The following SMARCA2 variants were observed in gnomAD, a reference collection of about 807,000 sequenced individuals.
The protein encoded by SMARCA2 is SWI/SNF related BAF chromatin remodeling complex subunit ATPase 2.
SMARCA2 carries 61 observed loss-of-function variants against 199.8 expected under a neutral mutation model. That is an observed-to-expected ratio of 0.31 (90% CI 0.25 to 0.38). The LOEUF (loss-of-function observed/expected upper bound fraction) is 0.38, where lower values mean the gene tolerates loss of function less well. Ranked by LOEUF, SMARCA2 falls within the 10% of genes least tolerant of loss-of-function variation. SMARCA2 has a pLI of 1.00. For synonymous variants in SMARCA2, 935 were observed against 732.0 expected (o/e 1.28, Z -4.48); for missense variants, 1,344 against 2,012.2 (o/e 0.67, Z 6.35).
At chr9:2,094,813 G>C (rs1486779089) in intron 19 of SMARCA2, among the ~76,000 whole-genome samples, 1 of 152,160 alleles carries the variant, frequency 6.6e-6, no homozygotes, top group South Asian at 2.1e-4. Flanking sequence ...TCTGTGGAAA[G>C]AGCCCAGTAA....
At chr9:2,020,759 A>AT (rs1368570499) in intron 1 of SMARCA2, among the ~76,000 whole-genome samples, 1 of 152,212 alleles carries the variant, frequency 6.6e-6, no homozygotes, top group African/African-American at 2.4e-5. Flanking sequence ...AGATGCTTGA[A>AT]TAATTGTACC....
At chr9:2,152,168 G>A (rs541691865) in intron 27 of SMARCA2, among the ~76,000 whole-genome samples, 13 of 152,246 alleles carry the variant, frequency 8.5e-5, no homozygotes, top group Admixed American at 5.9e-4. Context: ...ATTTCACCCC[G>A]AATCCCAAGA....
chr9:2,081,255 A>C (rs986794565), intron 14 of SMARCA2, among the ~76,000 whole-genome samples: 2 of 152,170 alleles, frequency 1.3e-5, no homozygotes, highest in South Asian at 4.1e-4. Flanking sequence ...GCATGTTTCC[A>C]GTTGCCAGCT....
intron 19 of SMARCA2, among the ~76,000 whole-genome samples, chr9:2,089,744 C>T (rs528495926): frequency 9.2e-5 from 14 of 152,278 alleles, no homozygotes; most frequent in African/African-American, 3.4e-4. Context: ...AGCACCCTTT[C>T]TGTTCAAGAT....
chr9:2,122,544 C>G (rs1050192875), intron 26 of SMARCA2, among the ~76,000 whole-genome samples: 7 of 152,186 alleles, frequency 4.6e-5, no homozygotes, highest in African/African-American at 1.7e-4. Context: ...ACCAATGGGA[C>G]TTCACCTGTC....
At chr9:2,093,819 A>G (rs555089786) in intron 19 of SMARCA2, among the ~76,000 whole-genome samples, 43 of 152,368 alleles carry the variant, frequency 2.8e-4, no homozygotes, top group South Asian at 4.1e-4. Context: ...AAATAGGGCT[A>G]TAAATCAACT....
chr9:2,047,119 A>C (rs1819888167), intron 4 of SMARCA2, 110 bp from the exon 5 acceptor site: 1 of 804,948 alleles, frequency 1.2e-6, no homozygotes, highest in African/African-American at 1.9e-5. Context: ...TCAGGTGTTT[A>C]AGACACTTAA....
chr9:2,103,250 G>C (rs576411156), intron 22 of SMARCA2, among the ~76,000 whole-genome samples: 3 of 152,238 alleles, frequency 2.0e-5, no homozygotes, highest in Admixed American at 2.0e-4. Context: ...CACCTGCTCA[G>C]CGTAGCCTCT....
chr9:2,097,182 T>C, intron 20 of SMARCA2: 1 of 518,618 alleles, frequency 1.9e-6, no homozygotes, highest in Non-Finnish European at 3.4e-6. Flanking sequence ...ACTTTTTTTG[T>C]AGCGTAAGTT....
chr9:2,077,181 G>C (rs140084396), intron 13 of SMARCA2, among the ~76,000 whole-genome samples: 149 of 152,140 alleles, frequency 9.8e-4, no homozygotes, highest in African/African-American at 3.5e-3. Context: ...CTTTAATGTT[G>C]GGTTGCCCTC....
intron 3 of SMARCA2, among the ~76,000 whole-genome samples, chr9:2,036,878 A>T (rs999185436): frequency 6.6e-6 from 1 of 152,202 alleles, no homozygotes; most frequent in Non-Finnish European, 1.5e-5. Context: ...TGATTTAAGA[A>T]ATAGTGTTAT....
intron 1 of SMARCA2, among the ~76,000 whole-genome samples, chr9:2,022,398 CAGAG>C (rs1299438457): frequency 1.3e-5 from 2 of 152,136 alleles, no homozygotes; most frequent in African/African-American, 2.4e-5. Flanking sequence ...GCTTGAAACT[CAGAG>C]AGGTTAAATG....
Position 2,169,011 on chromosome 9 carries a change from G to A in SMARCA2, c.4200-1408G>A, listed in dbSNP as rs1826089230. On this transcript the variant is annotated intron_variant, in intron 28 of 33. Transcript: ENST00000349721. This position sits in a 1 kb window ranked among gnomAD's most constrained non-coding sequence, Gnocchi z 6.5. ...CTCGTGCACATTCGGAGATGACATG[G>A]TCTACTTAAGCTTCTGTGTCTCCTT... 6.6e-6 allele frequency among the ~76,000 whole-genome samples: 1 copy of A among 152,184 alleles called. No homozygotes were observed. Among genetic ancestry groups the A allele is most frequent in the South Asian group, 2.1e-4 (1 of 4,828 alleles).
rs187902778 is a variant in SMARCA2 at position 2,110,333 on chromosome 9, G to T, written c.3372G>T (p.Leu1124=). 6.2e-7 allele frequency: 1 copy of T among 1,613,530 alleles called. No individual in the cohort carries two copies. The highest frequency in any genetic ancestry group is 1.3e-5 in the African/African-American group (1 of 75,006). The change falls in exon 24 of 34, where the codon CTG becomes CTT. Residue 1124 remains leucine, a synonymous_variant. Coordinates refer to ENST00000349721, the MANE Select transcript of SMARCA2 (RefSeq NM_003070.5). This position sits in a 1 kb window ranked among gnomAD's most constrained non-coding sequence, Gnocchi z 4.8. The part of the protein sequence containing the change: ...EPGSQYFIFL[L]STRAGGLGLN... ...GATCCCAGTATTTCATTTTCTTGCT[G>T]AGCACAAGAGCTGGTGGCCTGGGCT...
At chr9:2,072,544 A>C (rs910767115) in intron 10 of SMARCA2, among the ~76,000 whole-genome samples, 2 of 152,264 alleles carry the variant, frequency 1.3e-5, no homozygotes, top group African/African-American at 4.8e-5. Context: ...CCGGTTCTGC[A>C]GAGACCAAAC....
intron 32 of SMARCA2, 102 bp from the exon 33 acceptor site, chr9:2,191,164 G>C: frequency 8.8e-7 from 1 of 1,136,546 alleles, no homozygotes; most frequent in East Asian, 2.4e-5. Context: ...TGGGCACTCT[G>C]GGATGTTTGT....
chr9:2,185,757 A>T (rs1827394941), intron 31 of SMARCA2, among the ~76,000 whole-genome samples: 1 of 152,214 alleles, frequency 6.6e-6, no homozygotes, highest in Non-Finnish European at 1.5e-5. Context: ...GCTTTACCAC[A>T]GTCTTACTAC....
chr9:2,017,406 T>G lies in SMARCA2; in HGVS notation c.-37+2002T>G, dbSNP rs1369656230. 1 of 152,184 alleles carries G rather than the reference T, an allele frequency of 6.6e-6. No homozygotes were observed. Among genetic ancestry groups the G allele is most frequent in the African/African-American group, 2.4e-5 (1 of 41,400 alleles). The allele number at this position is 152,184 out of a possible 1,614,324, so 9.4% of individuals were successfully genotyped here. A position where few individuals can be genotyped will look rare whatever the true frequency, so the allele number is the denominator to read the frequency against. On this transcript the variant is annotated intron_variant, in intron 1 of 33. Coordinates refer to ENST00000349721, the MANE Select transcript of SMARCA2 (RefSeq NM_003070.5). This position sits in a 1 kb window ranked among gnomAD's most constrained non-coding sequence, Gnocchi z 8.8. ...CTGCGCGTGAGTGTGAGTGTGAGTG[T>G]GTGTTGTGCGCGCAGGAGCCAGTGC...
chr9:2,044,743 GGGT>G (rs1300296401), intron 4 of SMARCA2: 3 of 152,240 alleles, frequency 2.0e-5, no homozygotes, highest in Non-Finnish European at 2.9e-5. Context: ...GGAAGATACA[GGGT>G]GTTTAAAGGT....
Sources: allele counts gnomAD v4.1 joint callset (sites outside exome capture counted in the v4.1 genomes callset), GRCh38; gene constraint gnomAD v4.1.1; non-coding constraint Gnocchi (gnomAD v3.1); transcripts MANE v1.5; gene names NCBI Gene and HGNC (gene_info 2026-07-23, HGNC 2026-07-21).